Variants in GALNTL6 observed in about 807,000 individuals in gnomAD.
The protein encoded by GALNTL6 is polypeptide N-acetylgalactosaminyltransferase-like 6.
Under a neutral mutation model 73.7 loss-of-function variants are expected in GALNTL6, and 46 were observed. The observed-to-expected ratio is 0.62, with a 90% confidence interval of 0.49 to 0.80. The LOEUF (loss-of-function observed/expected upper bound fraction) is 0.80, where lower values mean the gene tolerates loss of function less well. GALNTL6 is among the 30% of genes least tolerant of loss of function. The pLI is 0.00. For synonymous variants in GALNTL6, 259 were observed against 263.7 expected (o/e 0.98, Z 0.17); for missense variants, 604 against 755.0 (o/e 0.80, Z 2.34).
intron 5 of GALNTL6, among the ~76,000 whole-genome samples, chr4:172,730,506 C>G (rs1321400935): frequency 6.6e-6 from 1 of 152,166 alleles, no homozygotes; most frequent in Non-Finnish European, 1.5e-5. Context: ...TTTGTTCATT[C>G]TGTTGATGTG....
chr4:171,978,868 G>A (rs1739800917), intron 2 of GALNTL6, among the ~76,000 whole-genome samples: 1 of 152,128 alleles, frequency 6.6e-6, no homozygotes, highest in Non-Finnish European at 1.5e-5. Flanking sequence ...ATAGATGATA[G>A]ATTTGATTTA....
chr4:172,616,008 C>G lies in GALNTL6; in HGVS notation c.554-193353C>G, dbSNP rs906222136. 2.0e-5 allele frequency among the ~76,000 whole-genome samples: 3 copies of G among 152,168 alleles called. No homozygotes were observed. The East Asian group carries it at 5.8e-4, about 29-fold the overall frequency. The stretch of plus-strand genomic sequence containing the variant: ...GCGAAAAGAGTTAATACATCAGAAA[C>G]AGCTAAAAACATGAAATGCCTAAGT... On this transcript the variant is annotated intron_variant, in intron 5 of 12. Transcript: ENST00000506823.
chr4:172,253,808 A>G (rs1280211636), intron 3 of GALNTL6, among the ~76,000 whole-genome samples: 1 of 151,950 alleles, frequency 6.6e-6, no homozygotes, highest in Non-Finnish European at 1.5e-5. Flanking sequence ...ACTAAAGAAG[A>G]TTATTTTCTG....
chr4:172,228,565 ATTT>A (rs923818118), intron 2 of GALNTL6, among the ~76,000 whole-genome samples: 14 of 152,166 alleles, frequency 9.2e-5, no homozygotes, highest in Admixed American at 7.2e-4. Context: ...GAAATAAGAC[ATTT>A]TATGTCTTGA....
At chr4:172,886,897 T>C (rs1331851697) in intron 8 of GALNTL6, among the ~76,000 whole-genome samples, 3 of 152,220 alleles carry the variant, frequency 2.0e-5, no homozygotes, top group Non-Finnish European at 4.4e-5. Context: ...TATTGTGTGC[T>C]GCTGCAGTTT....
At chr4:171,815,935 G>T in intron 2 of GALNTL6, 1 of 151,938 alleles carries the variant, frequency 6.6e-6, no homozygotes, top group Non-Finnish European at 1.5e-5. Context: ...TTGTTATTTC[G>T]AGGAAAAATG....
intron 2 of GALNTL6, among the ~76,000 whole-genome samples, chr4:172,164,488 A>G (rs562150925): frequency 1.3e-5 from 2 of 152,126 alleles, no homozygotes; most frequent in African/African-American, 4.8e-5. Context: ...ATGGTTTTTA[A>G]TTAAAGATTT....
intron 5 of GALNTL6, among the ~76,000 whole-genome samples, chr4:172,409,965 T>A (rs1744373437): frequency 6.6e-6 from 1 of 152,016 alleles, no homozygotes; most frequent in Non-Finnish European, 1.5e-5. Flanking sequence ...GTGAAACAGG[T>A]AGAAACCAAG....
chr4:171,949,840 T>C (rs1738816615), intron 2 of GALNTL6, among the ~76,000 whole-genome samples: 1 of 152,128 alleles, frequency 6.6e-6, no homozygotes, highest in Admixed American at 6.6e-5. Context: ...AATGGTAGAA[T>C]GCGTAAAAGA....
chr4:172,700,708 C>T (rs1733976138), intron 5 of GALNTL6, among the ~76,000 whole-genome samples: 1 of 152,194 alleles, frequency 6.6e-6, no homozygotes, highest in Non-Finnish European at 1.5e-5. Context: ...AAATCATTAA[C>T]ATTCCTGACA....
At chr4:172,364,708 A>G (rs1177736140) in intron 5 of GALNTL6, among the ~76,000 whole-genome samples, 2 of 152,180 alleles carry the variant, frequency 1.3e-5, no homozygotes, top group Non-Finnish European at 1.5e-5. Flanking sequence ...AACTTTAAAC[A>G]AAGAGTGTGT....
intron 2 of GALNTL6, among the ~76,000 whole-genome samples, chr4:171,905,453 T>C (rs1330531127): frequency 6.6e-6 from 1 of 151,824 alleles, no homozygotes; most frequent in Admixed American, 6.6e-5. Context: ...CTATCCTAAA[T>C]ATATATGCAC....
chr4:172,411,067 ACCCCCATATAAAAGGAACAAC>A (rs1421289347), intron 5 of GALNTL6, among the ~76,000 whole-genome samples: 1 of 152,044 alleles, frequency 6.6e-6, no homozygotes, highest in Non-Finnish European at 1.5e-5. Context: ...GAACTATGCT[ACCCCCATATAAAAGGAACAAC>A]TTTTTGATTT....
In GALNTL6 at chr4:172,229,704, G is replaced by A. The variant is rs752351845; in HGVS notation, c.187G>A (p.Gly63Ser). Residue 63 changes from glycine (G) to serine (S), a missense_variant, in exon 3 of 13, where the codon GGT becomes AGT. By Grantham distance (56) the Gly-to-Ser change is moderately conservative. Coordinates refer to ENST00000506823, the MANE Select transcript of GALNTL6 (RefSeq NM_001034845.3). ...TGGGCAATTCTATTCATGGACAGATGGTTTGAGAAGAAAGGACTGGCATGA... is the reference window on the plus strand; with the variant it reads ...TGGGCAATTCTATTCATGGACAGATAGTTTGAGAAGAAAGGACTGGCATGA... ...GDGQFYSWTD[G>S]LRRKDWHDYE... The A allele has an allele frequency of 1.2e-6, 2 of 1,613,960 alleles. No homozygotes were observed. Among genetic ancestry groups the A allele is most frequent in the South Asian group, 2.2e-5 (2 of 91,064 alleles).
chr4:172,204,943 A>G (rs1736059701), intron 2 of GALNTL6, among the ~76,000 whole-genome samples: 1 of 152,210 alleles, frequency 6.6e-6, no homozygotes, highest in Admixed American at 6.5e-5. Context: ...TCTATTGATG[A>G]AGAAGTCCCA....
At chr4:172,030,364 G>T (rs577881637) in intron 2 of GALNTL6, among the ~76,000 whole-genome samples, 1 of 152,084 alleles carries the variant, frequency 6.6e-6, no homozygotes, top group South Asian at 2.1e-4. Context: ...GGTAGCATGA[G>T]GTACCTAGTA....
chr4:172,638,925 T>A (rs1739829510), intron 5 of GALNTL6, among the ~76,000 whole-genome samples: 1 of 152,122 alleles, frequency 6.6e-6, no homozygotes, highest in Admixed American at 6.6e-5. Context: ...CAATTGGGTT[T>A]GTCAGTATTT....
chr4:172,314,150 A>G (rs780434782), intron 4 of GALNTL6, among the ~76,000 whole-genome samples: 1 of 152,198 alleles, frequency 6.6e-6, no homozygotes, highest in Non-Finnish European at 1.5e-5. Context: ...TTTCAGTATT[A>G]TCTATTTAAC....
intron 5 of GALNTL6, among the ~76,000 whole-genome samples, chr4:172,692,022 G>C (rs572869649): frequency 2.6e-4 from 33 of 124,942 alleles, no homozygotes; most frequent in Admixed American, 9.6e-4. Flanking sequence ...CCTATTTAAT[G>C]CAAAAAGCGG....
Sources: gnomAD v4.1 joint callset for allele counts (sites outside exome capture counted in the v4.1 genomes callset) on GRCh38, gnomAD v4.1.1 for gene constraint, MANE v1.5 for transcripts, NCBI Gene and HGNC (gene_info 2026-07-23, HGNC 2026-07-21) for gene names.